The following ZNF638 variants were observed in gnomAD, a reference collection of about 807,000 sequenced individuals.
ZNF638 encodes the protein CTCL tumor antigen se33-1.
In ZNF638, 46 loss-of-function variants were observed where a neutral mutation model predicts 195.6. The ratio of observed to expected loss-of-function variants is 0.24; its 90% CI spans 0.19 to 0.30. The LOEUF (loss-of-function observed/expected upper bound fraction) is 0.30, where lower values mean the gene tolerates loss of function less well. Among genes scored for constraint, ZNF638 ranks in the 10% least tolerant of loss-of-function variants. The pLI, the probability that ZNF638 is intolerant of heterozygous loss-of-function variation, is 1.00. For synonymous variants in ZNF638, 845 were observed against 772.0 expected, an observed-to-expected ratio of 1.09 and a Z score of -1.57; for missense variants, 2,440 against 2,325.3, an observed-to-expected ratio of 1.05 and a Z score of -1.01.
At chr2:71,345,238 C>T (rs1028625899) in intron 1 of ZNF638, among the ~76,000 whole-genome samples, 3 of 152,174 alleles carry the variant, frequency 2.0e-5, no homozygotes, top group African/African-American at 7.2e-5. Flanking sequence ...TCTATGGTTT[C>T]AGGCATCCAT....
At chr2:71,388,359 T>TGACCTTTGATCATCC (rs907034778) in intron 10 of ZNF638, 147 of 569,732 alleles carry the variant, frequency 2.6e-4, no homozygotes, top group East Asian at 7.1e-5. Flanking sequence ...TTTGATCATC[T>TGACCTTTGATCATCC]GACCTTTGAT....
At chr2:71,411,744 C>T (rs1235491163) in intron 20 of ZNF638, among the ~76,000 whole-genome samples, 45 of 65,154 alleles carry the variant, frequency 6.9e-4, no homozygotes, top group African/African-American at 2.0e-3. Flanking sequence ...TTTGTTCTTG[C>T]GATAGTTTAC....
At chr2:71,393,756 T>TA in intron 10 of ZNF638, 3 of 633,244 alleles carry the variant, frequency 4.7e-6, no homozygotes, top group East Asian at 2.7e-5. Context: ...TACGCCCTGT[T>TA]ACCTGGGCAG....
At chr2:71,405,094 GT>G (rs144854119) in intron 17 of ZNF638, among the ~76,000 whole-genome samples, 1 of 152,150 alleles carries the variant, frequency 6.6e-6, no homozygotes, top group Non-Finnish European at 1.5e-5. Flanking sequence ...TAAAGTCCAA[GT>G]TCCTTTGCCG....
At chr2:71,368,929 A>C (rs1184654381) in intron 7 of ZNF638, among the ~76,000 whole-genome samples, 1 of 152,250 alleles carries the variant, frequency 6.6e-6, no homozygotes, top group African/African-American at 2.4e-5. Flanking sequence ...AGATAATACT[A>C]AAACAAATTA....
intron 14 of ZNF638, 25 bp from the exon 15 acceptor site, chr2:71,400,452 TG>T (rs2079984430): frequency 6.3e-7 from 1 of 1,593,460 alleles, no homozygotes; most frequent in South Asian, 1.2e-5. Context: ...ATGTCTGCAT[TG>T]TTTTTAATTT....
rs904941290 is a variant in ZNF638, at chr2:71,380,260, A to G, written c.2304A>G (p.Lys768=). 1.9e-6 allele frequency: 3 copies of G among 1,571,534 alleles called. No individual in the cohort carries two copies. Among genetic ancestry groups the G allele is most frequent in the African/African-American group, 2.8e-5 (2 of 72,610 alleles). The change falls in exon 9 of 28, where the codon AAA becomes AAG. Residue 768 remains lysine (K), a synonymous_variant. Coordinates refer to ENST00000264447, the MANE Select transcript of ZNF638 (RefSeq NM_014497.5). ...EVKKKTLESK[K]VSASTLKRDA... is the part of the protein sequence containing the mutation. ...AGAAAAAGACTTTAGAGTCAAAGAA[A>G]GTATCTGCATCTACCTTAAAGTAAG... is the stretch of plus-strand genomic sequence containing the variant.
chr2:71,380,569 AGTT>A lies in ZNF638; in HGVS notation c.2377+8_2377+10del. 2.5e-6 allele frequency: 4 copies of A among 1,601,030 alleles called. No individual in the cohort carries two copies. Among genetic ancestry groups the A allele is most frequent in the South Asian group, 1.1e-5 (1 of 88,808 alleles). ...ATTGTTACTTCAACTTCTGCTGGTA[AGTT>A]GTTACTTTTAATATTCTTTCAAATG... On this transcript the variant is annotated splice_donor_5th_base_variant and intron_variant, in intron 10 of 27. Transcript: ENST00000264447.
intron 10 of ZNF638, among the ~76,000 whole-genome samples, chr2:71,381,102 G>T (rs2079527864): frequency 6.6e-6 from 1 of 152,058 alleles, no homozygotes; most frequent in Non-Finnish European, 1.5e-5. Flanking sequence ...TATAATCCGG[G>T]TTCTCCTTTT....
chr2:71,384,295 T>C (rs1412828287), intron 10 of ZNF638, among the ~76,000 whole-genome samples: 3 of 152,242 alleles, frequency 2.0e-5, no homozygotes. Context: ...TTATACACGT[T>C]GTTGCCCAGA....
chr2:71,426,683 G>A lies in ZNF638; in HGVS notation c.4814G>A (p.Gly1605Glu), dbSNP rs764755453. Residue 1605 changes from glycine to glutamate, a missense_variant, in exon 24 of 28, where the codon GGG (glycine) becomes GAG (glutamate). Physicochemically the swap from Gly to Glu is moderately conservative, Grantham distance 98. Transcript: ENST00000264447. Reference protein sequence around the residue: ...ELSFVTLDEIGEEEDAAAHLA... With the variant: ...ELSFVTLDEIEEEEDAAAHLA... The stretch of plus-strand genomic sequence containing the variant: ...TCTTTTGTGACATTGGATGAGATTG[G>A]GGAAGAGGAAGATGCAGCTGCACAT... 6.2e-7 allele frequency: 1 copy of A among 1,614,178 alleles called. No homozygotes were observed. Among genetic ancestry groups the A allele is most frequent in the Non-Finnish European group, 8.5e-7 (1 of 1,180,022 alleles).
At chr2:71,398,226 A>G (rs528899671) in intron 11 of ZNF638, among the ~76,000 whole-genome samples, 47 of 152,318 alleles carry the variant, frequency 3.1e-4, no homozygotes, top group African/African-American at 1.1e-3. Context: ...TTGCATATAT[A>G]TAATGAAATA....
chr2:71,356,504 G>T (rs77093399), intron 3 of ZNF638, among the ~76,000 whole-genome samples: 6,311 of 152,260 alleles, frequency 0.041, 223 homozygotes, highest in African/African-American at 0.095. Flanking sequence ...AGTGGTTAAA[G>T]TTGCAGATTA....
chr2:71,350,099 G>C lies in ZNF638; in HGVS notation c.1145G>C (p.Arg382Pro). ...CAGTCACAGGCTGACATTCCCATTCGGTCTCCCTTTGGTATTGTGAAAGCA... is the reference window on the plus strand; with the variant it reads ...CAGTCACAGGCTGACATTCCCATTCCGTCTCCCTTTGGTATTGTGAAAGCA... ...NYQSQADIPI[R>P]SPFGIVKASW... The change falls in exon 2 of 28, where the codon CGG becomes CCG. Residue 382 changes from arginine (R) to proline (P), a missense_variant. Arg to Pro is a moderately radical substitution (Grantham distance 103). Around this residue, in one of 5 missense-constraint regions of ZNF638, gnomAD observed 305 missense variants for 283.6 expected, o/e 1.08. Coordinates refer to ENST00000264447, the MANE Select transcript of ZNF638 (RefSeq NM_014497.5). 6.2e-7 allele frequency: 1 copy of C among 1,614,008 alleles called. No individual in the cohort carries two copies. The highest frequency in any genetic ancestry group is 8.5e-7 in the Non-Finnish European group (1 of 1,180,002).
chr2:71,383,659 G>A (rs1173448127), intron 10 of ZNF638, among the ~76,000 whole-genome samples: 2 of 145,170 alleles, frequency 1.4e-5, no homozygotes, highest in Non-Finnish European at 3.0e-5. Context: ...ACTGCAACCC[G>A]TGCCTCCCAG....
At chr2:71,347,458 G>A (rs905753963) in intron 1 of ZNF638, among the ~76,000 whole-genome samples, 1 of 152,208 alleles carries the variant, frequency 6.6e-6, no homozygotes, top group Non-Finnish European at 1.5e-5. Flanking sequence ...AGAGAAAAGT[G>A]TATAGTAAAG....
At position 71,349,323 on chromosome 2, in the gene ZNF638, G is replaced by C. The variant is rs955295011; in HGVS notation, c.369G>C (p.Gln123His). ...CAGTGAAACAGAGTTCTGTAACACA[G>C]GTTACAGAGCAGAGTCCCAAAGTAC... ...SVAVKQSSVT[Q>H]VTEQSPKVQS... is the part of the protein sequence containing the mutation. The change falls in exon 2 of 28, where the codon CAG (glutamine) becomes CAC (histidine). Residue 123 changes from glutamine (Q) to histidine (H), a missense_variant. By Grantham distance (24) the Gln-to-His change is conservative (BLOSUM62 0). Transcript: ENST00000264447. 1 of 1,614,126 alleles carries C rather than the reference G, an allele frequency of 6.2e-7. No homozygotes were observed. The highest frequency in any genetic ancestry group is 8.5e-7 in the Non-Finnish European group (1 of 1,180,012).
chr2:71,385,035 A>G (rs1291053884), intron 10 of ZNF638, among the ~76,000 whole-genome samples: 2 of 152,160 alleles, frequency 1.3e-5, no homozygotes, highest in South Asian at 2.1e-4. Context: ...CTTCCTGTAA[A>G]AGGGGAAATG....
At chr2:71,356,238 T>G (rs1208502438) in intron 3 of ZNF638, among the ~76,000 whole-genome samples, 4 of 152,234 alleles carry the variant, frequency 2.6e-5, no homozygotes, top group Admixed American at 2.0e-4. Flanking sequence ...GCTAGATGTC[T>G]TGCTTCCTTA....
Sources: gnomAD v4.1 joint callset for allele counts (sites outside exome capture counted in the v4.1 genomes callset) on GRCh38, gnomAD v4.1.1 for gene constraint, gnomAD v4.1.1 regional missense constraint, MANE v1.5 for transcripts, NCBI Gene and HGNC (gene_info 2026-07-23, HGNC 2026-07-21) for gene names.